PPP2R2B: variants seen among roughly 807,000 people sequenced by gnomAD.
PPP2R2B encodes the protein serine/threonine-protein phosphatase 2A 55 kDa regulatory subunit B beta isoform.
PPP2R2B carries 5 observed loss-of-function variants against 46.0 expected under a neutral mutation model. That is an observed-to-expected ratio of 0.11 (90% CI 0.06 to 0.23). PPP2R2B has a LOEUF of 0.23. PPP2R2B is among the 10% of genes least tolerant of loss of function. PPP2R2B has a pLI of 1.00. For missense variants in PPP2R2B, 367 were observed against 575.0 expected (o/e 0.64, Z 3.70); for synonymous variants, 215 against 206.7 (o/e 1.04, Z -0.34).
chr5:146,927,179 C>T (rs1295564900), intron 1 of PPP2R2B, among the ~76,000 whole-genome samples: 1 of 152,140 alleles, frequency 6.6e-6, no homozygotes. Flanking sequence ...TGTCATAGGC[C>T]TTTGGCTGAT....
chr5:146,677,685 G>C (rs1777832474), intron 5 of PPP2R2B, among the ~76,000 whole-genome samples: 1 of 151,902 alleles, frequency 6.6e-6, no homozygotes, highest in Non-Finnish European at 1.5e-5. Flanking sequence ...GCACCACCAT[G>C]CCTGGCTAAC....
intron 2 of PPP2R2B, among the ~76,000 whole-genome samples, chr5:146,730,287 G>T (rs1008082134): frequency 2.6e-5 from 4 of 152,156 alleles, no homozygotes; most frequent in African/African-American, 9.7e-5. Flanking sequence ...TACCCCCATT[G>T]TATCTAGGAA....
chr5:146,738,930 A>T (rs1330167617), intron 2 of PPP2R2B, among the ~76,000 whole-genome samples: 1 of 152,232 alleles, frequency 6.6e-6, no homozygotes, highest in Non-Finnish European at 1.5e-5. Flanking sequence ...TGAGGATATT[A>T]CTGTCTGGTG....
At chr5:146,998,303 G>A (rs1379173630) in intron 1 of PPP2R2B, among the ~76,000 whole-genome samples, 1 of 152,216 alleles carries the variant, frequency 6.6e-6, no homozygotes, top group Non-Finnish European at 1.5e-5. Context: ...CAGTGAAAAT[G>A]CAGGTGCTTC....
At chr5:146,821,101 C>T (rs1758232613) in intron 2 of PPP2R2B, among the ~76,000 whole-genome samples, 1 of 152,124 alleles carries the variant, frequency 6.6e-6, no homozygotes, top group South Asian at 2.1e-4. Context: ...TCACACACAA[C>T]ACAACCTTCT....
chr5:146,861,583 T>C (rs1266266802), intron 2 of PPP2R2B, among the ~76,000 whole-genome samples: 1 of 152,236 alleles, frequency 6.6e-6, no homozygotes, highest in East Asian at 1.9e-4. Flanking sequence ...AGACACTCCA[T>C]GAATTGTTTC....
rs536462185 is a variant in PPP2R2B, at chr5:146,878,209, G to T, written c.-124-14C>A. On this transcript the variant is annotated splice_polypyrimidine_tract_variant and intron_variant, in intron 1 of 9. Transcript: ENST00000394411. This position sits in a 1 kb window ranked among gnomAD's most constrained non-coding sequence, Gnocchi z 4.5. ...CATGGTCCGAGCCTGAGGAGGAGAC[G>T]GGGAGGCGGAGAGAAAAAAAATAAA... The T allele has an allele frequency of 2.3e-5, 36 of 1,558,998 alleles. No individual in the cohort carries two copies. The South Asian group carries it at 3.4e-4, about 15-fold the overall frequency.
Position 146,638,392 on chromosome 5 carries a change from T to C in PPP2R2B, c.649A>G (p.Asn217Asp). 1 of 1,611,174 alleles carries C rather than the reference T, an allele frequency of 6.2e-7. No individual in the cohort carries two copies. The highest frequency in any genetic ancestry group is 8.5e-7 in the Non-Finnish European group (1 of 1,177,648). The stretch of plus-strand genomic sequence containing the variant: ...ATCACCTCCGTGAGCTCCTCCATGT[T>C]GGCTGGCTTAATGTCCACAATATCT... ...SFNIVDIKPA[N>D]MEELTEVITA... Residue 217 changes from asparagine (N) to aspartate (D), a missense_variant, in exon 7 of 10, where the codon AAC becomes GAC. This residue lies in a region of PPP2R2B where 361 missense variants were observed against 545.5 expected (regional missense o/e 0.66). Transcript: ENST00000394411.
chr5:146,972,694 A>G (rs559126821), intron 1 of PPP2R2B, among the ~76,000 whole-genome samples: 1 of 152,328 alleles, frequency 6.6e-6, no homozygotes, highest in African/African-American at 2.4e-5. Context: ...CCTAGGCAAG[A>G]GAGTAAGACT....
intron 1 of PPP2R2B, among the ~76,000 whole-genome samples, chr5:146,889,608 A>G (rs1039364463): frequency 2.0e-5 from 3 of 152,210 alleles, no homozygotes; most frequent in Non-Finnish European, 2.9e-5. Flanking sequence ...AAACGTTGCA[A>G]TTGGAACTCT....
intron 2 of PPP2R2B, among the ~76,000 whole-genome samples, chr5:146,799,554 G>A (rs544487692): frequency 6.6e-6 from 1 of 152,282 alleles, no homozygotes; most frequent in South Asian, 2.1e-4. Flanking sequence ...GACAACACAT[G>A]TCCACTCATG....
chr5:146,823,721 T>C (rs1758410290), intron 2 of PPP2R2B, among the ~76,000 whole-genome samples: 1 of 152,162 alleles, frequency 6.6e-6, no homozygotes, highest in Non-Finnish European at 1.5e-5. Context: ...AAGTATAAAA[T>C]AATTCTTCTC....
At chr5:146,994,926 A>G (rs1753858324) in intron 1 of PPP2R2B, among the ~76,000 whole-genome samples, 1 of 152,210 alleles carries the variant, frequency 6.6e-6, no homozygotes, top group Non-Finnish European at 1.5e-5. Context: ...GGGTGATAAG[A>G]GGTGCAATGA....
At chr5:146,828,934 A>T (rs1758748412) in intron 2 of PPP2R2B, among the ~76,000 whole-genome samples, 1 of 152,260 alleles carries the variant, frequency 6.6e-6, no homozygotes, top group African/African-American at 2.4e-5. Context: ...TTTGGCTATT[A>T]TTCAAGGAAA....
intron 1 of PPP2R2B, among the ~76,000 whole-genome samples, chr5:146,900,463 G>A (rs890611808): frequency 1.9e-4 from 29 of 152,064 alleles, no homozygotes; most frequent in Admixed American, 1.8e-3. Context: ...AATTTCAAAG[G>A]TTATTGTTCC....
chr5:146,947,049 A>C (rs868414161), intron 1 of PPP2R2B, among the ~76,000 whole-genome samples: 2 of 94,024 alleles, frequency 2.1e-5, no homozygotes, highest in Admixed American at 1.2e-4. Context: ...TTTCAGCCCC[A>C]AGGAACCAGA....
intron 1 of PPP2R2B, among the ~76,000 whole-genome samples, chr5:146,909,013 T>G (rs1024373560): frequency 2.0e-5 from 3 of 152,150 alleles, no homozygotes; most frequent in Admixed American, 1.3e-4. Flanking sequence ...GATCAGCTCC[T>G]GGAGGCAGCC....
At chr5:146,630,460 G>A (rs1020879465) in intron 7 of PPP2R2B, among the ~76,000 whole-genome samples, 3 of 152,180 alleles carry the variant, frequency 2.0e-5, no homozygotes, top group Admixed American at 6.5e-5. Context: ...GTAGTTTTTG[G>A]TGTTCTCTTG....
At chr5:146,705,640 T>C (rs1169746080) in intron 2 of PPP2R2B, among the ~76,000 whole-genome samples, 1 of 152,156 alleles carries the variant, frequency 6.6e-6, no homozygotes, top group Non-Finnish European at 1.5e-5. Context: ...CGGTCCAAAG[T>C]CAGCATCCAT....
Sources: gnomAD v4.1 joint callset for allele counts (sites outside exome capture counted in the v4.1 genomes callset) on GRCh38, gnomAD v4.1.1 for gene constraint, gnomAD v4.1.1 regional missense constraint, Gnocchi (gnomAD v3.1) non-coding constraint, MANE v1.5 for transcripts, NCBI Gene and HGNC (gene_info 2026-07-23, HGNC 2026-07-21) for gene names.